The following ZNF605 variants were observed in gnomAD, a reference collection of about 807,000 sequenced individuals.
ZNF605 encodes the protein zinc finger protein 605.
ZNF605 carries 9 observed loss-of-function variants against 7.9 expected under a neutral mutation model. The ratio of observed to expected loss-of-function variants is 1.14; its 90% CI spans 0.68 to 1.98. The LOEUF (loss-of-function observed/expected upper bound fraction) is 1.98. Ranked by LOEUF, ZNF605 falls within the 30% of genes most tolerant of loss-of-function variation. The probability of loss-of-function intolerance (pLI) is 0.00; values close to 1 mark genes in which losing one functional copy is unlikely to be tolerated. For synonymous variants in ZNF605, 255 were observed against 260.1 expected, an observed-to-expected ratio of 0.98 and a Z score of 0.19; for missense variants, 673 against 762.4, an observed-to-expected ratio of 0.88 and a Z score of 1.38.
chr12:132,926,864 G>C lies in ZNF605; in HGVS notation c.435C>G (p.Cys145Trp). The C allele has an allele frequency of 6.2e-7, 1 of 1,614,142 alleles. No homozygotes were observed. The highest frequency in any genetic ancestry group is 8.5e-7 in the Non-Finnish European group (1 of 1,180,032). ...RTHGGIKYCD[C>W]STCRKSSNEE... ...CGTTGCTGGATTTTCTACATGTACTGCAATCACAGTATTTTATCCCACCAT... is the reference window on the plus strand; with the variant it reads ...CGTTGCTGGATTTTCTACATGTACTCCAATCACAGTATTTTATCCCACCAT... Residue 145 changes from cysteine to tryptophan, a missense_variant, in exon 5 of 5, where the codon TGC (cysteine) becomes TGG (tryptophan). Transcript: ENST00000360187.
At chr12:132,943,312 T>C (rs1952463440) in intron 3 of ZNF605, among the ~76,000 whole-genome samples, 2 of 151,480 alleles carry the variant, frequency 1.3e-5, no homozygotes, top group African/African-American at 4.9e-5. Context: ...TGAGCAGAGA[T>C]TGTGCCACTG....
rs1952228455 is a variant in ZNF605 at position 132,924,466 on chromosome 12, C to G, written c.*907G>C. 6.6e-6 allele frequency: 1 copy of G among 152,244 alleles called. No homozygotes were observed. The highest frequency in any genetic ancestry group is 6.5e-5 in the Admixed American group (1 of 15,272). The allele number at this position is 152,244 out of a possible 1,614,324, so 9.4% of individuals were successfully genotyped here. A position where few individuals can be genotyped will look rare whatever the true frequency, so the allele number is the denominator to read the frequency against. On this transcript the variant is annotated 3_prime_UTR_variant, in exon 5 of 5. Coordinates refer to ENST00000360187, the MANE Select transcript of ZNF605 (RefSeq NM_183238.4). ...CTAAGTCAAAGGACTCAGGGGACTC[C>G]CAGCAGACTTCTTGAGCCCTGTATC...
chr12:132,932,891 C>T, intron 4 of ZNF605, 144 bp downstream of exon 4: 1 of 1,355,180 alleles, frequency 7.4e-7, no homozygotes, highest in Non-Finnish European at 9.8e-7. Flanking sequence ...ATAAAGGCTG[C>T]AAAATAAAGC....
chr12:132,932,596 TAA>T, intron 4 of ZNF605: 1 of 661,496 alleles, frequency 1.5e-6, no homozygotes, highest in Middle Eastern at 2.6e-4. Context: ...GAGTCAACTC[TAA>T]AGATTCAGGA....
chr12:132,925,743 T>G lies in ZNF605; in HGVS notation c.1556A>C (p.Gln519Pro). ...ECRKAFAWKPQLLRHQRIHTG... is the reference protein window; with the variant it reads ...ECRKAFAWKPPLLRHQRIHTG... ...ATGAATTCTCTGATGCCTAAGAAGC[T>G]GTGGCTTCCAGGCAAAAGCTTTCCT... Residue 519 changes from glutamine to proline, a missense_variant, in exon 5 of 5, where the codon CAG becomes CCG. Coordinates refer to ENST00000360187, the MANE Select transcript of ZNF605 (RefSeq NM_183238.4). The G allele has an allele frequency of 1.9e-6, 3 of 1,613,992 alleles. No individual in the cohort carries two copies. Among genetic ancestry groups the G allele is most frequent in the Non-Finnish European group, 2.5e-6 (3 of 1,179,900 alleles).
At chr12:132,928,280 A>AT (rs976327353) in intron 4 of ZNF605, among the ~76,000 whole-genome samples, 1 of 152,142 alleles carries the variant, frequency 6.6e-6, no homozygotes, top group Non-Finnish European at 1.5e-5. Context: ...GATAAGAAAC[A>AT]TTTTTTTGTA....
intron 1 of ZNF605, among the ~76,000 whole-genome samples, chr12:132,951,963 AT>A: frequency 6.6e-6 from 1 of 152,080 alleles, no homozygotes; most frequent in Non-Finnish European, 1.5e-5. Context: ...CATACATCAC[AT>A]ACACACACGT....
chr12:132,951,903 C>A (rs1952575709), intron 1 of ZNF605, among the ~76,000 whole-genome samples: 1 of 151,862 alleles, frequency 6.6e-6, no homozygotes, highest in Admixed American at 6.6e-5. Context: ...ACACATCACA[C>A]ACATTCAAAC....
chr12:132,952,039 A>G (rs1180514681), intron 1 of ZNF605, among the ~76,000 whole-genome samples: 1 of 152,072 alleles, frequency 6.6e-6, no homozygotes, highest in Non-Finnish European at 1.5e-5. Flanking sequence ...CTGAATTCCT[A>G]TTACACACCA....
At chr12:132,942,396 T>G (rs1952452070) in intron 3 of ZNF605, among the ~76,000 whole-genome samples, 1 of 152,214 alleles carries the variant, frequency 6.6e-6, no homozygotes, top group East Asian at 1.9e-4. Context: ...GAGGACTGCC[T>G]TGGCTCCTGG....
chr12:132,937,359 CAA>C (rs56281488), intron 3 of ZNF605, among the ~76,000 whole-genome samples: 4,258 of 86,714 alleles, frequency 0.049, 85 homozygotes, highest in African/African-American at 0.18. Flanking sequence ...AACTCTGTCT[CAA>C]AAAAAAAAAA....
rs1286340816 is a variant in ZNF605, at chr12:132,923,653, G to A, written c.*1720C>T. 6.6e-6 allele frequency: 1 copy of A among 152,172 alleles called. No homozygotes were observed. Among genetic ancestry groups the A allele is most frequent in the Non-Finnish European group, 1.5e-5 (1 of 68,024 alleles). 9.4% of individuals were successfully genotyped at this position (152,172 alleles called of 1,614,324 possible). ...TGCTTTTCATGAATGTGACTCTGAGGTGCACTGCTGTGATGTAAATTATGT... is the reference window on the plus strand; with the variant it reads ...TGCTTTTCATGAATGTGACTCTGAGATGCACTGCTGTGATGTAAATTATGT... On this transcript the variant is annotated 3_prime_UTR_variant, in exon 5 of 5. Coordinates refer to ENST00000360187, the MANE Select transcript of ZNF605 (RefSeq NM_183238.4).
chr12:132,933,524 C>T lies in ZNF605; in HGVS notation c.16-369G>A, dbSNP rs969465160. ...AGCCACTGAGTGAGCCTGGAGGAGC[C>T]AGCTCCTTCCTCGCTGCAGCCCTTC... On this transcript the variant is annotated intron_variant, in intron 3 of 4. Transcript: ENST00000360187. This position sits in a 1 kb window ranked among gnomAD's most constrained non-coding sequence, Gnocchi z 4.4. 6.6e-6 allele frequency among the ~76,000 whole-genome samples: 1 copy of T among 152,204 alleles called. No individual in the cohort carries two copies. The highest frequency in any genetic ancestry group is 1.5e-5 in the Non-Finnish European group (1 of 68,044).
intron 1 of ZNF605, among the ~76,000 whole-genome samples, chr12:132,949,538 C>T (rs1952535381): frequency 6.6e-6 from 1 of 152,074 alleles, no homozygotes; most frequent in South Asian, 2.1e-4. Context: ...ACTTTGGGTA[C>T]CCTACGGGTG....
chr12:132,925,988 T>C lies in ZNF605; in HGVS notation c.1311A>G (p.Leu437=), dbSNP rs1396071092. The change falls in exon 5 of 5, where the codon CTA becomes CTG. Residue 437 remains leucine, a synonymous_variant. Transcript: ENST00000360187. ...CCCCAGTGTGTGTTCTGTGATGCGT[T>C]AGGAGCTGGGACTTCCCAAAGAAGG... ...GKTFFGKSQL[L]THHRTHTGEK... is the part of the protein sequence containing the mutation. 5.6e-6 allele frequency: 9 copies of C among 1,614,056 alleles called. No homozygotes were observed. Among genetic ancestry groups the C allele is most frequent in the African/African-American group, 5.3e-5 (4 of 74,922 alleles).
intron 4 of ZNF605, among the ~76,000 whole-genome samples, chr12:132,927,936 T>A (rs1952265318): frequency 6.6e-6 from 1 of 152,204 alleles, no homozygotes; most frequent in Admixed American, 6.5e-5. Context: ...ATTACAGGCG[T>A]GAGCCACCAC....
chr12:132,925,520 T>C lies in ZNF605; in HGVS notation c.1779A>G (p.Glu593=). The part of the protein sequence containing the change: ...HTGERPYKCG[E]CGKSFTRKSH... ...ACTTTCTTGTGAAAGATTTCCCACA[T>C]TCACCACATTTATATGGTCTCTCTC... Residue 593 remains glutamate (E), a synonymous_variant, in exon 5 of 5, where the codon GAA becomes GAG. Coordinates refer to ENST00000360187, the MANE Select transcript of ZNF605 (RefSeq NM_183238.4). The C allele has an allele frequency of 6.2e-7, 1 of 1,614,204 alleles. No individual in the cohort carries two copies. The highest frequency in any genetic ancestry group is 8.5e-7 in the Non-Finnish European group (1 of 1,180,032).
intron 1 of ZNF605, among the ~76,000 whole-genome samples, chr12:132,950,990 T>C (rs1952556642): frequency 6.8e-6 from 1 of 147,052 alleles, no homozygotes; most frequent in Non-Finnish European, 1.5e-5. Context: ...CACATGTACA[T>C]CACACGCAGA....
chr12:132,938,830 T>C (rs1272040626), intron 3 of ZNF605, among the ~76,000 whole-genome samples: 6 of 151,634 alleles, frequency 4.0e-5, no homozygotes, highest in South Asian at 2.1e-4. Flanking sequence ...GTGGGCTTGG[T>C]GGGCGCCGCA....
Sources: allele counts gnomAD v4.1 joint callset (sites outside exome capture counted in the v4.1 genomes callset), GRCh38; gene constraint gnomAD v4.1.1; non-coding constraint Gnocchi (gnomAD v3.1); transcripts MANE v1.5; gene names NCBI Gene and HGNC (gene_info 2026-07-23, HGNC 2026-07-21).